The following CBFA2T3 variants were observed in gnomAD, a reference collection of about 807,000 sequenced individuals.
The protein encoded by CBFA2T3 is transcriptional corepressor CBFA2T3.
In CBFA2T3, 31 loss-of-function variants were observed where a neutral mutation model predicts 58.6. The observed-to-expected ratio is 0.53, with a 90% CI of 0.40 to 0.71. The LOEUF is 0.71. Ranked by LOEUF, CBFA2T3 falls within the 30% of genes least tolerant of loss-of-function variation. CBFA2T3 has a pLI of 0.00. For synonymous variants in CBFA2T3, 531 were observed against 421.9 expected (o/e 1.26, Z -3.17); for missense variants, 1,076 against 963.1 (o/e 1.12, Z -1.55).
Position 88,877,338 on chromosome 16 carries a change from C to T in CBFA2T3, c.1663-63G>A. ...GGCCACCCGAATCCCCAACACACGC[C>T]TCAACCAAGCCATTCAGACCCAGCC... is the stretch of plus-strand genomic sequence containing the variant. On this transcript the variant is annotated intron_variant, in intron 11 of 11. Transcript: ENST00000268679. 3 of 1,367,714 alleles carry T rather than the reference C, an allele frequency of 2.2e-6. No individual in the cohort carries two copies. The South Asian group carries it at 3.9e-5, about 18-fold the overall frequency. 84.7% of individuals were successfully genotyped at this position (1,367,714 alleles called of 1,614,324 possible).
At chr16:88,976,360 G>A (rs1268603404) in intron 1 of CBFA2T3, among the ~76,000 whole-genome samples, 1 of 151,968 alleles carries the variant, frequency 6.6e-6, no homozygotes, top group Non-Finnish European at 1.5e-5. Context: ...ACCCCCAGGA[G>A]AACACAGCCC....
At chr16:88,908,304 C>A (rs530979487) in intron 1 of CBFA2T3, among the ~76,000 whole-genome samples, 1 of 151,500 alleles carries the variant, frequency 6.6e-6, no homozygotes, top group Non-Finnish European at 1.5e-5. Context: ...TTCGTGCCAC[C>A]GCACTCCAGC....
chr16:88,915,961 GGTGCATGGGTCTGTATTCATGTGT>G (rs1970705112), intron 1 of CBFA2T3, among the ~76,000 whole-genome samples: 1 of 152,078 alleles, frequency 6.6e-6, no homozygotes, highest in Non-Finnish European at 1.5e-5. Flanking sequence ...AGTGTACGTG[GGTGCATGGGTCTGTATTCATGTGT>G]GTCCATGGGT....
chr16:88,909,094 A>C (rs1240169533), intron 1 of CBFA2T3, among the ~76,000 whole-genome samples: 1 of 152,130 alleles, frequency 6.6e-6, no homozygotes, highest in Non-Finnish European at 1.5e-5. Context: ...GCCTGCAACC[A>C]ACCCGAGGGC....
Position 88,879,469 on chromosome 16 carries a change from G to C in CBFA2T3, c.1472-9C>G. On this transcript the variant is annotated splice_polypyrimidine_tract_variant and intron_variant, in intron 10 of 11. Coordinates refer to ENST00000268679, the MANE Select transcript of CBFA2T3 (RefSeq NM_005187.6). ...CTCATTCACGGCCTCTTCTGCAAAG[G>C]ACATGGGCAGGGCTGGCGGTCACAT... is the stretch of plus-strand genomic sequence containing the variant. The C allele has an allele frequency of 6.2e-7, 1 of 1,603,238 alleles. No homozygotes were observed.
At chr16:88,937,485 C>T (rs943583547) in intron 1 of CBFA2T3, 1 of 152,608 alleles carries the variant, frequency 6.6e-6, no homozygotes, top group Admixed American at 6.5e-5. Context: ...GGCCCACTCC[C>T]TGCCGTCCCC....
chr16:88,907,312 C>T (rs1043927682), intron 1 of CBFA2T3, among the ~76,000 whole-genome samples: 1 of 152,098 alleles, frequency 6.6e-6, no homozygotes, highest in African/African-American at 2.4e-5. Context: ...CCTCCTGTGG[C>T]CTACACAAGT....
intron 1 of CBFA2T3, among the ~76,000 whole-genome samples, chr16:88,934,209 C>CCCGGCG (rs1567618432): frequency 6.6e-6 from 1 of 150,932 alleles, no homozygotes; most frequent in African/African-American, 2.5e-5. Flanking sequence ...CACACGGAGG[C>CCCGGCG]ACCGGCGAGA....
intron 1 of CBFA2T3, chr16:88,950,135 G>T (rs1343121502): frequency 2.2e-6 from 1 of 454,892 alleles, no homozygotes; most frequent in East Asian, 7.0e-5. Flanking sequence ...TCTTTATCTG[G>T]ATCTGTCTCT....
intron 8 of CBFA2T3, 142 bp from the exon 9 acceptor site, chr16:88,881,631 G>A: frequency 1.3e-6 from 1 of 796,832 alleles, no homozygotes; most frequent in Non-Finnish European, 1.9e-6. Flanking sequence ...GTGAGGGAGG[G>A]CCCACCTCCA....
At chr16:88,899,957 G>T (rs991355701) in intron 2 of CBFA2T3, among the ~76,000 whole-genome samples, 1 of 152,188 alleles carries the variant, frequency 6.6e-6, no homozygotes, top group Non-Finnish European at 1.5e-5. Flanking sequence ...TACCAGACCG[G>T]AGGGCTCTTC....
At chr16:88,951,674 G>A (rs1463991060) in intron 1 of CBFA2T3, 2 of 347,970 alleles carry the variant, frequency 5.7e-6, no homozygotes, top group South Asian at 2.3e-5. Context: ...GCAGGCAGCC[G>A]CGGCCCCAGC....
chr16:88,955,956 C>T (rs1467793041), intron 1 of CBFA2T3, among the ~76,000 whole-genome samples: 1 of 146,772 alleles, frequency 6.8e-6, no homozygotes, highest in Non-Finnish European at 1.5e-5. Flanking sequence ...CTCCTGACCC[C>T]AGCCAAGGCT....
chr16:88,933,883 C>T (rs1287168482), intron 1 of CBFA2T3, among the ~76,000 whole-genome samples: 1 of 152,040 alleles, frequency 6.6e-6, no homozygotes, highest in Admixed American at 6.6e-5. Context: ...AGCACAAGAC[C>T]GGCACGAGGA....
Position 88,876,924 on chromosome 16 carries a change from G to T in CBFA2T3, c.*52C>A. ...AGGCACAGCATCCGGTGGGCCTGGA[G>T]CTGGGTGGGGTTGGCACGGTGCTGT... On this transcript the variant is annotated 3_prime_UTR_variant, in exon 12 of 12. Transcript: ENST00000268679. 2 of 1,316,654 alleles carry T rather than the reference G, an allele frequency of 1.5e-6. No homozygotes were observed. The highest frequency in any genetic ancestry group is 2.0e-6 in the Non-Finnish European group (2 of 1,013,174). The allele number at this position is 1,316,654 out of a possible 1,614,324, so 81.6% of individuals were successfully genotyped here.
At chr16:88,954,151 C>T (rs1417800720) in intron 1 of CBFA2T3, among the ~76,000 whole-genome samples, 1 of 152,136 alleles carries the variant, frequency 6.6e-6, no homozygotes, top group Non-Finnish European at 1.5e-5. Context: ...AGCCCTCTGA[C>T]CACAGTGGGC....
At chr16:88,960,240 G>A (rs751811433) in intron 1 of CBFA2T3, among the ~76,000 whole-genome samples, 1 of 152,114 alleles carries the variant, frequency 6.6e-6, no homozygotes, top group Non-Finnish European at 1.5e-5. Context: ...GGAGGGCAGG[G>A]CACTCTTCTG....
chr16:88,903,560 C>A (rs893815967), intron 1 of CBFA2T3, among the ~76,000 whole-genome samples: 1 of 152,064 alleles, frequency 6.6e-6, no homozygotes, highest in Non-Finnish European at 1.5e-5. Flanking sequence ...CTGTGGGGGC[C>A]ATCAACACCG....
At chr16:88,925,957 A>G (rs1971073740) in intron 1 of CBFA2T3, among the ~76,000 whole-genome samples, 2 of 152,236 alleles carry the variant, frequency 1.3e-5, no homozygotes, top group Admixed American at 6.5e-5. Flanking sequence ...CCAGAAAGAC[A>G]CGGCTGTCCT....
Sources: allele counts gnomAD v4.1 joint callset (sites outside exome capture counted in the v4.1 genomes callset), GRCh38; gene constraint gnomAD v4.1.1; transcripts MANE v1.5; gene names NCBI Gene and HGNC (gene_info 2026-07-23, HGNC 2026-07-21).